UBE2K: variants seen among roughly 807,000 people sequenced by gnomAD.
UBE2K encodes the protein ubiquitin-conjugating enzyme E2 K.
Under a neutral mutation model 30.0 loss-of-function variants are expected in UBE2K, and 6 were observed. The observed-to-expected ratio is 0.20, with a 90% CI of 0.11 to 0.39. The LOEUF (loss-of-function observed/expected upper bound fraction) is 0.39, where lower values mean the gene tolerates loss of function less well. Among genes scored for constraint, UBE2K ranks in the 10% least tolerant of loss-of-function variants. The probability of loss-of-function intolerance (pLI) is 1.00; values close to 1 mark genes in which losing one functional copy is unlikely to be tolerated. For missense variants in UBE2K, 61 were observed against 241.6 expected (o/e 0.25, Z 4.96); for synonymous variants, 86 against 83.7 (o/e 1.03, Z -0.15).
chr4:39,711,099 A>T (rs565447324), intron 1 of UBE2K, among the ~76,000 whole-genome samples: 7 of 150,622 alleles, frequency 4.6e-5, no homozygotes, highest in East Asian at 1.9e-4. Context: ...TTTTTTTTTT[A>T]AAGTTTTTTT....
At chr4:39,715,398 G>A (rs62310081) in intron 1 of UBE2K, among the ~76,000 whole-genome samples, 1 of 151,966 alleles carries the variant, frequency 6.6e-6, no homozygotes. Flanking sequence ...TCTTGAACTC[G>A]TGGGTTCAAG....
In UBE2K at chr4:39,727,576, A is replaced by G. The variant is rs376628946; in HGVS notation, c.64-9844A>G. 2.6e-3 allele frequency among the ~76,000 whole-genome samples: 385 copies of G among 147,754 alleles called. 2 individuals carry two copies. Among genetic ancestry groups the G allele is most frequent in the African/African-American group, 9.2e-3 (371 of 40,338 alleles). ...GGGTTTCACCATGTTGTCTGGACTG[A>G]TCTTTTTTTTTTTTTTCCATAAGGA... On this transcript the variant is annotated intron_variant, in intron 1 of 6. Coordinates refer to ENST00000261427, the MANE Select transcript of UBE2K (RefSeq NM_005339.5).
chr4:39,752,311 A>ATTTTTT (rs751312791), intron 3 of UBE2K, among the ~76,000 whole-genome samples: 3 of 118,554 alleles, frequency 2.5e-5, no homozygotes, highest in Non-Finnish European at 5.2e-5. Context: ...CGCCTGGCTA[A>ATTTTTT]TTTTTTTTTT....
chr4:39,698,505 C>T, intron 1 of UBE2K, 115 bp downstream of exon 1: 2 of 943,442 alleles, frequency 2.1e-6, no homozygotes, highest in South Asian at 1.4e-5. Context: ...GGCCGCCCTT[C>T]TGCCTGTGAG....
chr4:39,740,516 C>T (rs1412453772), intron 2 of UBE2K, among the ~76,000 whole-genome samples: 1 of 149,696 alleles, frequency 6.7e-6, no homozygotes, highest in East Asian at 2.0e-4. Context: ...GCACTCCAGC[C>T]TGGGCGACAG....
At chr4:39,720,806 T>C (rs1307801316) in intron 1 of UBE2K, among the ~76,000 whole-genome samples, 1 of 151,824 alleles carries the variant, frequency 6.6e-6, no homozygotes, top group Non-Finnish European at 1.5e-5. Context: ...TGCAGTGGTA[T>C]GATCATAGCT....
Position 39,698,171 on chromosome 4 carries a change from A to T in UBE2K, c.-157A>T. 1 of 752,950 alleles carries T rather than the reference A, an allele frequency of 1.3e-6. No individual in the cohort carries two copies. Among genetic ancestry groups the T allele is most frequent in the Non-Finnish European group, 2.3e-6 (1 of 431,392 alleles). The allele number at this position is 752,950 out of a possible 1,614,324, so 46.6% of individuals were successfully genotyped here. A position where few individuals can be genotyped will look rare whatever the true frequency, so the allele number is the denominator to read the frequency against. ...TGGCCGGGCGCGGAGGTGATTCCAC[A>T]CTGAGGCGAGCGCGGCGGCCGGGGT... On this transcript the variant is annotated 5_prime_UTR_variant, in exon 1 of 7. Transcript: ENST00000261427.
At chr4:39,771,475 C>T in intron 4 of UBE2K, 7 of 1,518,738 alleles carry the variant, frequency 4.6e-6, no homozygotes, top group Non-Finnish European at 6.1e-6. Context: ...GTTCCGCGCG[C>T]TGTTTTTTTT....
chr4:39,702,972 G>T (rs904032507), intron 1 of UBE2K, among the ~76,000 whole-genome samples: 15 of 152,126 alleles, frequency 9.9e-5, no homozygotes, highest in African/African-American at 2.6e-4. Context: ...TCCCCAGACT[G>T]CCATATGTTG....
chr4:39,767,835 G>A (rs1485024819), intron 4 of UBE2K, among the ~76,000 whole-genome samples: 1 of 151,752 alleles, frequency 6.6e-6, no homozygotes, highest in Non-Finnish European at 1.5e-5. Context: ...TTGCTATTCA[G>A]GTAAATTTCC....
chr4:39,771,501 C>A (rs1712837041), intron 4 of UBE2K: 2 of 1,459,722 alleles, frequency 1.4e-6, no homozygotes, highest in Admixed American at 5.0e-5. Flanking sequence ...CCCTATTTTC[C>A]CCACCCCCGC....
chr4:39,730,902 C>T (rs893504460), intron 1 of UBE2K, among the ~76,000 whole-genome samples: 1 of 149,824 alleles, frequency 6.7e-6, no homozygotes, highest in Non-Finnish European at 1.5e-5. Context: ...CTCCGCCTCT[C>T]GGGTTCAAGC....
chr4:39,758,204 G>A (rs1357130278), intron 4 of UBE2K, among the ~76,000 whole-genome samples: 2 of 151,982 alleles, frequency 1.3e-5, no homozygotes, highest in Admixed American at 1.3e-4. Context: ...TCTTTCTCTG[G>A]TACCCCATGC....
intron 4 of UBE2K, chr4:39,771,248 G>A: frequency 1.9e-6 from 3 of 1,611,918 alleles, no homozygotes; most frequent in Non-Finnish European, 2.5e-6. Context: ...CTGGGGTTAA[G>A]CAGGAACTGG....
chr4:39,723,353 C>A (rs1416756226), intron 1 of UBE2K, among the ~76,000 whole-genome samples: 2 of 144,302 alleles, frequency 1.4e-5, no homozygotes, highest in African/African-American at 2.6e-5. Flanking sequence ...CCCAGCCCTG[C>A]TGTCTTCTCT....
intron 6 of UBE2K, among the ~76,000 whole-genome samples, 180 bp downstream of exon 6, chr4:39,777,990 C>G (rs973460832): frequency 6.7e-6 from 1 of 149,216 alleles, no homozygotes; most frequent in Non-Finnish European, 1.5e-5. Flanking sequence ...TCCAGCTACT[C>G]TGAAGGCTGA....
chr4:39,712,389 T>C (rs901631569), intron 1 of UBE2K, among the ~76,000 whole-genome samples: 2 of 146,708 alleles, frequency 1.4e-5, no homozygotes, highest in Non-Finnish European at 3.0e-5. Flanking sequence ...TTTTTTTTTT[T>C]TTTTTTCAGT....
intron 3 of UBE2K, among the ~76,000 whole-genome samples, chr4:39,750,880 G>T: frequency 6.6e-6 from 1 of 151,628 alleles, no homozygotes; most frequent in South Asian, 2.1e-4. Flanking sequence ...GAGTAGCTTG[G>T]ACTACAGGCA....
chr4:39,743,499 G>A (rs1372300638), intron 2 of UBE2K, among the ~76,000 whole-genome samples: 1 of 151,958 alleles, frequency 6.6e-6, no homozygotes, highest in Non-Finnish European at 1.5e-5. Context: ...AGCTAATCGG[G>A]AGGCTGAGGC....
Sources: allele counts gnomAD v4.1 joint callset (sites outside exome capture counted in the v4.1 genomes callset), GRCh38; gene constraint gnomAD v4.1.1; transcripts MANE v1.5; gene names NCBI Gene and HGNC (gene_info 2026-07-23, HGNC 2026-07-21).